MASP1: variants seen among roughly 807,000 people sequenced by gnomAD.
MASP1 encodes MBL associated serine protease 1.
MASP1 carries 59 observed loss-of-function variants against 77.1 expected under a neutral mutation model. The ratio of observed to expected loss-of-function variants is 0.77; its 90% confidence interval spans 0.62 to 0.95. The LOEUF (loss-of-function observed/expected upper bound fraction) is 0.95, where lower values mean the gene tolerates loss of function less well. Among genes scored for constraint, MASP1 ranks in the 40% least tolerant of loss-of-function variants. The pLI is 0.00. For synonymous variants in MASP1, 362 were observed against 354.5 expected, an observed-to-expected ratio of 1.02 and a Z score of -0.24; for missense variants, 885 against 912.9, an observed-to-expected ratio of 0.97 and a Z score of 0.39.
In MASP1 at chr3:187,235,241, A is replaced by T; in HGVS notation, c.*443T>A. On this transcript the variant is annotated 3_prime_UTR_variant, in exon 11 of 11. Transcript: ENST00000296280. ...CCCAGAAGGCAGAGCAGGAAAATAT[A>T]CAGATGCGGCATTCAGTTCAATGTT... The T allele has an allele frequency of 7.7e-7, 1 of 1,291,538 alleles. No homozygotes were observed. The highest frequency in any genetic ancestry group is 1.2e-5 in the South Asian group (1 of 80,982). The allele number at this position is 1,291,538 out of a possible 1,614,324, so 80.0% of individuals were successfully genotyped here.
exon 16 of MASP1, chr3:187,220,240 C>G: frequency 2.5e-6 from 4 of 1,614,150 alleles, no homozygotes; most frequent in Non-Finnish European, 3.4e-6. Context: ...TCCAGAGTCA[C>G]CCGCACAGGC....
chr3:187,241,453 G>GAGGCAA, intron 10 of MASP1, 28 bp downstream of exon 10: 1 of 1,599,798 alleles, frequency 6.3e-7, no homozygotes, highest in Non-Finnish European at 8.6e-7. Context: ...GGAAAACTGT[G>GAGGCAA]AGGCAAAGGA....
Position 187,246,320 on chromosome 3 carries a change from G to A in MASP1, c.1091-2699C>T, listed in dbSNP as rs557544677. ...TCAAATCTTCCTCTTAAATTCTGAT[G>A]CCCTGTATGTCACTGAGTATGAATG... On this transcript the variant is annotated intron_variant, in intron 8 of 10. Transcript: ENST00000296280. The A allele has an allele frequency of 4.3e-6, 4 of 922,634 alleles. No individual in the cohort carries two copies. The African/African-American group carries it at 7.1e-5, about 16-fold the overall frequency. The allele number at this position is 922,634 out of a possible 1,614,324, so 57.2% of individuals were successfully genotyped here.
intron 12 of MASP1, chr3:187,226,085 AG>A: frequency 2.6e-6 from 1 of 387,594 alleles, no homozygotes; most frequent in Non-Finnish European, 4.9e-6. Flanking sequence ...TATAAACAAG[AG>A]GGGAAATCTG....
chr3:187,229,342 A>G (rs1448495729), downstream of MASP1, among the ~76,000 whole-genome samples: 3 of 151,924 alleles, frequency 2.0e-5, no homozygotes, highest in African/African-American at 7.3e-5. Context: ...CTCCAGTTTC[A>G]CCCTCCTTTT....
chr3:187,251,692 T>G lies in MASP1; in HGVS notation c.953A>C (p.Lys318Thr), dbSNP rs371645022. Residue 318 changes from lysine to threonine, a missense_variant, in exon 7 of 11, where the codon AAG (lysine) becomes ACG (threonine). Coordinates refer to ENST00000296280, the MANE Select transcript of MASP1 (RefSeq NM_139125.4). Reference protein sequence around the residue: ...VHGKIEPSQAKYFFKDQVLVS... With the variant: ...VHGKIEPSQATYFFKDQVLVS... ...GAGCACTTGGTCTTTGAAGAAATAC[T>G]TGGCTTGGGAGGGCTCGATTTTCCC... 3.7e-6 allele frequency: 6 copies of G among 1,614,072 alleles called. No individual in the cohort carries two copies. The Admixed American group carries it at 8.3e-5, about 22-fold the overall frequency.
rs574289892 is a variant in MASP1 at position 187,226,796 on chromosome 3, C to T, written c.1442-276G>A. Among the ~76,000 whole-genome samples the T allele has an allele frequency of 1.8e-3, 281 of 152,304 alleles. 1 individual carries two copies. Among genetic ancestry groups the T allele is most frequent in the African/African-American group, 6.3e-3 (263 of 41,570 alleles). On this transcript the variant is annotated intron_variant, in intron 11 of 15. Transcript: ENST00000337774. ...TTTCAGGGATCCTTTAAGCCCATGGCATTGGTGAGAGCCAGAGAGCCCAAG... is the reference window on the plus strand; with the variant it reads ...TTTCAGGGATCCTTTAAGCCCATGGTATTGGTGAGAGCCAGAGAGCCCAAG...
chr3:187,247,450 G>A (rs1159149425), intron 8 of MASP1: 2 of 1,564,564 alleles, frequency 1.3e-6, no homozygotes, highest in Non-Finnish European at 1.8e-6. Context: ...GAGAGAGGAA[G>A]AGAAAGAGAG....
intron 2 of MASP1, among the ~76,000 whole-genome samples, chr3:187,280,240 G>A (rs1032710347): frequency 1.3e-5 from 2 of 152,226 alleles, no homozygotes; most frequent in African/African-American, 4.8e-5. Context: ...TAGCAGTGGA[G>A]AGGATGGAAG....
At position 187,236,522 on chromosome 3, in the gene MASP1, A is replaced by G. The variant is rs1041770067; in HGVS notation, c.1349T>C (p.Ile450Thr). Residue 450 changes from isoleucine to threonine, a missense_variant, in exon 11 of 11, where the codon ATC (isoleucine) becomes ACC (threonine). Physicochemically the swap from Ile to Thr is moderately conservative, Grantham distance 89 (BLOSUM62 -1). Coordinates refer to ENST00000296280, the MANE Select transcript of MASP1 (RefSeq NM_139125.4). The stretch of plus-strand genomic sequence containing the variant: ...AGGCTCAGCATTTCGGCCCCCAATG[A>G]TCCTCTTGACCAGGCTTGGCAGGGA... ...SRSLPSLVKR[I>T]IGGRNAEPGL... 2 of 1,613,966 alleles carry G rather than the reference A, an allele frequency of 1.2e-6. No individual in the cohort carries two copies. The highest frequency in any genetic ancestry group is 1.3e-5 in the African/African-American group (1 of 75,014).
At chr3:187,220,642 C>A (rs1673936093) in intron 15 of MASP1, among the ~76,000 whole-genome samples, 2 of 151,808 alleles carry the variant, frequency 1.3e-5, no homozygotes, top group Admixed American at 6.6e-5. Flanking sequence ...GGACTACAGG[C>A]ACCTGCCACC....
intron 15 of MASP1, among the ~76,000 whole-genome samples, chr3:187,220,820 C>T (rs1712015753): frequency 1.3e-5 from 2 of 152,174 alleles, no homozygotes; most frequent in South Asian, 4.1e-4. Flanking sequence ...TTAAGGGAAA[C>T]ACTGAACTTG....
At chr3:187,275,465 C>T (rs899778948) in intron 2 of MASP1, among the ~76,000 whole-genome samples, 16 of 152,104 alleles carry the variant, frequency 1.1e-4, no homozygotes, top group Admixed American at 1.0e-3. Flanking sequence ...GCCACTCATA[C>T]CTCAGGGGTC....
intron 14 of MASP1, among the ~76,000 whole-genome samples, chr3:187,222,659 G>T (rs1196305373): frequency 6.6e-6 from 1 of 151,368 alleles, no homozygotes; most frequent in East Asian, 1.9e-4. Flanking sequence ...TGAAACTATG[G>T]CTCCTTACTT....
chr3:187,235,661 A>C lies in MASP1; in HGVS notation c.*23T>G. On this transcript the variant is annotated 3_prime_UTR_variant, in exon 11 of 11. Transcript: ENST00000296280. ...CGGTGTAGCTTCGCTCAGGGGAGGC[A>C]GGCCCCGAGGAAGTAAGTCAGCTCA... 6.2e-7 allele frequency: 1 copy of C among 1,613,594 alleles called. No homozygotes were observed. The highest frequency in any genetic ancestry group is 8.5e-7 in the Non-Finnish European group (1 of 1,180,026).
intron 11 of MASP1, among the ~76,000 whole-genome samples, chr3:187,228,461 C>T (rs774025373): frequency 2.6e-5 from 4 of 152,200 alleles, no homozygotes; most frequent in African/African-American, 4.8e-5. Flanking sequence ...CTGCTTCTCT[C>T]CAACTTCCCT....
At chr3:187,267,477 A>G (rs532212170) in intron 2 of MASP1, among the ~76,000 whole-genome samples, 1 of 152,332 alleles carries the variant, frequency 6.6e-6, no homozygotes, top group East Asian at 1.9e-4. Flanking sequence ...CAAAAGAGGA[A>G]TTTGTGCAAG....
exon 15 of MASP1, chr3:187,221,087 G>T: frequency 6.2e-7 from 1 of 1,614,118 alleles, no homozygotes; most frequent in South Asian, 1.1e-5. Flanking sequence ...TCTTCAGCGG[G>T]GCATAAGCCT....
chr3:187,249,807 C>A (rs1211614662), intron 8 of MASP1, among the ~76,000 whole-genome samples: 1 of 152,180 alleles, frequency 6.6e-6, no homozygotes. Flanking sequence ...GATCCCACAG[C>A]CCTTCCTGCA....
Sources: allele counts gnomAD v4.1 joint callset (sites outside exome capture counted in the v4.1 genomes callset), GRCh38; gene constraint gnomAD v4.1.1; transcripts MANE v1.5; gene names NCBI Gene and HGNC (gene_info 2026-07-23, HGNC 2026-07-21).